AGBL1: variants seen among roughly 807,000 people sequenced by gnomAD.
The protein encoded by AGBL1 is AGBL carboxypeptidase 1.
Under a neutral mutation model 118.9 loss-of-function variants are expected in AGBL1, and 130 were observed. The observed-to-expected ratio is 1.09, with a 90% CI of 0.95 to 1.26. The LOEUF is 1.26. AGBL1 is among the 50% of genes most tolerant of loss of function. AGBL1 has a pLI of 0.00. For missense variants in AGBL1, 1,584 were observed against 1,298.1 expected, an observed-to-expected ratio of 1.22 and a Z score of -3.38; for synonymous variants, 555 against 478.9, an observed-to-expected ratio of 1.16 and a Z score of -2.08.
chr15:86,990,164 T>C (rs1347268502), intron 24 of AGBL1, among the ~76,000 whole-genome samples: 1 of 152,070 alleles, frequency 6.6e-6, no homozygotes, highest in East Asian at 1.9e-4. Flanking sequence ...AGCAAACTAA[T>C]GGTTAGAGGG....
chr15:86,503,647 C>G (rs1031699460), intron 18 of AGBL1, among the ~76,000 whole-genome samples: 1 of 151,254 alleles, frequency 6.6e-6, no homozygotes, highest in African/African-American at 2.4e-5. Context: ...CTATTAATTT[C>G]AAAGTATTTT....
chr15:86,608,600 T>G (rs1356629057), intron 21 of AGBL1, among the ~76,000 whole-genome samples: 1 of 152,100 alleles, frequency 6.6e-6, no homozygotes, highest in Non-Finnish European at 1.5e-5. Context: ...GAGAGACCAC[T>G]ATATACGACA....
At chr15:86,246,147 A>G (rs923320763) in intron 6 of AGBL1, among the ~76,000 whole-genome samples, 2 of 152,180 alleles carry the variant, frequency 1.3e-5, no homozygotes, top group African/African-American at 4.8e-5. Context: ...AGGCCCCCAC[A>G]GTGCTGGCAT....
chr15:86,269,803 T>G, intron 13 of AGBL1, 116 bp from the exon 14 acceptor site: 20 of 1,198,264 alleles, frequency 1.7e-5, no homozygotes, highest in Non-Finnish European at 2.1e-5. Context: ...ACCAGCTGGC[T>G]GAGATCCTGG....
At chr15:86,519,521 T>C (rs2083160697) in intron 18 of AGBL1, among the ~76,000 whole-genome samples, 1 of 152,136 alleles carries the variant, frequency 6.6e-6, no homozygotes, top group Non-Finnish European at 1.5e-5. Flanking sequence ...TAACACAAAA[T>C]GCCAAATGGA....
chr15:86,471,344 C>A (rs559924761), intron 18 of AGBL1, among the ~76,000 whole-genome samples: 111 of 152,212 alleles, frequency 7.3e-4, no homozygotes, highest in African/African-American at 2.5e-3. Flanking sequence ...TGGTGTATAA[C>A]ATTTATTGAT....
intron 23 of AGBL1, among the ~76,000 whole-genome samples, chr15:86,940,129 G>A (rs372436861): frequency 7.0e-5 from 9 of 128,682 alleles, no homozygotes; most frequent in African/African-American, 1.5e-4. Context: ...GCCTGGGCTC[G>A]AACTTCTATG....
chr15:86,329,840 A>T (rs1306195863), intron 17 of AGBL1, among the ~76,000 whole-genome samples: 1 of 151,866 alleles, frequency 6.6e-6, no homozygotes, highest in Non-Finnish European at 1.5e-5. Context: ...GAGTTGCCCC[A>T]CTTTTCCTGT....
chr15:86,158,954 G>T lies in AGBL1; in HGVS notation c.416G>T (p.Gly139Val). 6.2e-7 allele frequency: 1 copy of T among 1,613,292 alleles called. No individual in the cohort carries two copies. Among genetic ancestry groups the T allele is most frequent in the Non-Finnish European group, 8.5e-7 (1 of 1,179,416 alleles). The stretch of plus-strand genomic sequence containing the variant: ...TTAGTCTCCATGGGAGCCATGCTGG[G>T]AATTAATGGAGCCATGGAACTGCTT... ...ASSVSMGAML[G>V]INGAMELLFK... Residue 139 changes from glycine (G) to valine (V), a missense_variant, in exon 5 of 23, where the codon GGA becomes GTA. By Grantham distance (109) the Gly-to-Val change is moderately radical. Coordinates refer to ENST00000614907, the MANE Select transcript of AGBL1 (RefSeq NM_001386094.1).
At chr15:86,593,574 A>C (rs370034265) in intron 21 of AGBL1, among the ~76,000 whole-genome samples, 22 of 152,306 alleles carry the variant, frequency 1.4e-4, no homozygotes, top group Middle Eastern at 3.4e-3. Flanking sequence ...TTAATAGATA[A>C]ATTGCATGGA....
At chr15:86,319,697 C>T (rs1028276855) in intron 17 of AGBL1, among the ~76,000 whole-genome samples, 7 of 140,110 alleles carry the variant, frequency 5.0e-5, no homozygotes, top group African/African-American at 1.6e-4. Context: ...TCTGATACCT[C>T]GTGGGGAAGT....
At chr15:86,697,211 CTCT>C (rs898889889) in intron 22 of AGBL1, among the ~76,000 whole-genome samples, 30 of 151,928 alleles carry the variant, frequency 2.0e-4, no homozygotes, top group African/African-American at 5.8e-4. Context: ...TTTTAAATTT[CTCT>C]TCTTCTTCAG....
At chr15:86,393,299 C>T (rs565668846) in intron 17 of AGBL1, among the ~76,000 whole-genome samples, 1 of 152,118 alleles carries the variant, frequency 6.6e-6, no homozygotes, top group Non-Finnish European at 1.5e-5. Flanking sequence ...CTGCGTTGTA[C>T]TAGGTATATC....
In AGBL1 at chr15:86,251,814, C is replaced by T. The variant is rs543320014; in HGVS notation, c.735+3935C>T. On this transcript the variant is annotated intron_variant, in intron 7 of 22. Transcript: ENST00000614907. ...AGGAAGACGGATGACAATTTGAATG[C>T]AAGATTGAAAAAAAAAAAGAACTCC... 3.6e-5 allele frequency among the ~76,000 whole-genome samples: 4 copies of T among 110,998 alleles called. No homozygotes were observed. The East Asian group carries it at 6.5e-4, about 18-fold the overall frequency. 72.8% of individuals were successfully genotyped at this position (110,998 alleles called of 152,430 possible).
intron 16 of AGBL1, among the ~76,000 whole-genome samples, chr15:86,280,180 G>A (rs2079327485): frequency 6.6e-6 from 1 of 152,194 alleles, no homozygotes; most frequent in African/African-American, 2.4e-5. Context: ...TCATTCAGAG[G>A]AATGGAGAAA....
intron 18 of AGBL1, among the ~76,000 whole-genome samples, chr15:86,400,867 T>A (rs1458115542): frequency 6.6e-6 from 1 of 152,164 alleles, no homozygotes; most frequent in Non-Finnish European, 1.5e-5. Context: ...CACTCATAGG[T>A]TGATGGCACT....
intron 24 of AGBL1, among the ~76,000 whole-genome samples, chr15:86,992,237 C>T (rs752374671): frequency 2.0e-5 from 3 of 152,038 alleles, no homozygotes; most frequent in Non-Finnish European, 2.9e-5. Context: ...CTCATTACTG[C>T]CAGGAGGACA....
At chr15:86,757,681 T>C (rs867021164) in intron 22 of AGBL1, among the ~76,000 whole-genome samples, 1 of 152,208 alleles carries the variant, frequency 6.6e-6, no homozygotes, top group South Asian at 2.1e-4. Flanking sequence ...TTTTCTCCAT[T>C]CCGGAAAGTT....
At chr15:86,874,126 A>G (rs1231455515) in intron 22 of AGBL1, among the ~76,000 whole-genome samples, 1 of 152,174 alleles carries the variant, frequency 6.6e-6, no homozygotes, top group African/African-American at 2.4e-5. Context: ...CATAAAACCT[A>G]ATATAACTGC....
Sources: gnomAD v4.1 joint callset for allele counts (sites outside exome capture counted in the v4.1 genomes callset) on GRCh38, gnomAD v4.1.1 for gene constraint, MANE v1.5 for transcripts, NCBI Gene and HGNC (gene_info 2026-07-23, HGNC 2026-07-21) for gene names.